SGCZ: variants seen among roughly 807,000 people sequenced by gnomAD.
SGCZ encodes the protein zeta-sarcoglycan.
Under a neutral mutation model 41.3 loss-of-function variants are expected in SGCZ, and 40 were observed. The ratio of observed to expected loss-of-function variants is 0.97; its 90% CI spans 0.75 to 1.26. The LOEUF (loss-of-function observed/expected upper bound fraction) is 1.26. SGCZ is among the 50% of genes most tolerant of loss of function. The pLI, the probability that SGCZ is intolerant of heterozygous loss-of-function variation, is 0.00. For synonymous variants in SGCZ, 206 were observed against 137.5 expected, an observed-to-expected ratio of 1.50 and a Z score of -3.49; for missense variants, 552 against 369.8, an observed-to-expected ratio of 1.49 and a Z score of -4.04.
At chr8:14,685,633 T>A (rs1365114715) in intron 1 of SGCZ, among the ~76,000 whole-genome samples, 1 of 152,124 alleles carries the variant, frequency 6.6e-6, no homozygotes, top group Non-Finnish European at 1.5e-5. Flanking sequence ...AATCACTACA[T>A]ATGAGTTATT....
chr8:14,137,437 T>C (rs541371207), intron 5 of SGCZ, among the ~76,000 whole-genome samples: 1 of 152,128 alleles, frequency 6.6e-6, no homozygotes, highest in South Asian at 2.1e-4. Context: ...CTTGAAAAAA[T>C]GTTAGATGAA....
At chr8:14,768,950 T>C (rs1800135630) in intron 1 of SGCZ, among the ~76,000 whole-genome samples, 1 of 152,050 alleles carries the variant, frequency 6.6e-6, no homozygotes, top group Admixed American at 6.6e-5. Context: ...AGATCTTAAA[T>C]CCTGATCATT....
intron 5 of SGCZ, among the ~76,000 whole-genome samples, chr8:14,115,084 C>T (rs1255020688): frequency 1.3e-5 from 2 of 151,938 alleles, no homozygotes; most frequent in African/African-American, 4.8e-5. Context: ...GCAGAGCTTT[C>T]TTCGTTACTC....
intron 1 of SGCZ, among the ~76,000 whole-genome samples, chr8:14,640,372 T>C (rs1806981885): frequency 1.3e-5 from 2 of 151,700 alleles, no homozygotes; most frequent in Non-Finnish European, 3.0e-5. Flanking sequence ...TCCTGTCTTC[T>C]AGTTCCCATT....
At chr8:14,743,916 A>AT (rs1398957734) in intron 1 of SGCZ, among the ~76,000 whole-genome samples, 41 of 152,214 alleles carry the variant, frequency 2.7e-4, no homozygotes, top group African/African-American at 7.2e-4. Flanking sequence ...CATGTATTTT[A>AT]TTCTGGGGAT....
chr8:15,078,575 G>T (rs1052901735), intron 1 of SGCZ, among the ~76,000 whole-genome samples: 1 of 151,928 alleles, frequency 6.6e-6, no homozygotes, highest in Non-Finnish European at 1.5e-5. Flanking sequence ...GAGTCCATTG[G>T]TGAGTGCTTT....
intron 1 of SGCZ, among the ~76,000 whole-genome samples, chr8:14,656,825 C>A (rs181927534): frequency 9.2e-5 from 14 of 151,758 alleles, no homozygotes; most frequent in African/African-American, 2.9e-4. Context: ...TAAATGGTAC[C>A]AAAATCAGCA....
intron 1 of SGCZ, among the ~76,000 whole-genome samples, chr8:14,912,930 A>G (rs903398149): frequency 6.6e-6 from 1 of 152,120 alleles, no homozygotes; most frequent in African/African-American, 2.4e-5. Flanking sequence ...CAGTGAGAGA[A>G]TAAATTGAGT....
chr8:15,051,790 G>C (rs73522821), intron 1 of SGCZ, among the ~76,000 whole-genome samples: 7,082 of 152,200 alleles, frequency 0.047, 174 homozygotes, highest in Non-Finnish European at 0.057. Context: ...TACTATGCAT[G>C]TGGGTTTGAA....
At chr8:14,796,465 CTTAT>C (rs1317700852) in intron 1 of SGCZ, among the ~76,000 whole-genome samples, 3 of 151,600 alleles carry the variant, frequency 2.0e-5, no homozygotes, top group Non-Finnish European at 2.9e-5. Context: ...CACAAGGTCA[CTTAT>C]TTGAGTATTT....
At chr8:14,488,862 G>A (rs1801759001) in intron 2 of SGCZ, among the ~76,000 whole-genome samples, 1 of 151,994 alleles carries the variant, frequency 6.6e-6, no homozygotes, top group Admixed American at 6.6e-5. Context: ...ACCATCTCTT[G>A]CAATTTTTCT....
intron 1 of SGCZ, among the ~76,000 whole-genome samples, chr8:14,704,169 T>G (rs1809255810): frequency 6.6e-6 from 1 of 151,994 alleles, no homozygotes; most frequent in East Asian, 1.9e-4. Context: ...TAGTTCATGG[T>G]CGTACAGCTA....
chr8:14,468,048 A>G (rs983970951), intron 2 of SGCZ, among the ~76,000 whole-genome samples: 1 of 152,120 alleles, frequency 6.6e-6, no homozygotes, highest in Non-Finnish European at 1.5e-5. Context: ...TGGCAAAGAC[A>G]TGCTAAACAT....
intron 1 of SGCZ, among the ~76,000 whole-genome samples, chr8:15,150,321 A>C (rs1435352567): frequency 6.6e-6 from 1 of 152,358 alleles, no homozygotes; most frequent in South Asian, 2.1e-4. Flanking sequence ...ATATAAAATA[A>C]AAAGTTTCAG....
At chr8:15,131,071 T>A (rs989650851) in intron 1 of SGCZ, among the ~76,000 whole-genome samples, 1 of 152,126 alleles carries the variant, frequency 6.6e-6, no homozygotes, top group African/African-American at 2.4e-5. Flanking sequence ...AAGATTTACT[T>A]CCAAATATTT....
At chr8:14,826,566 C>A (rs897748702) in intron 1 of SGCZ, among the ~76,000 whole-genome samples, 7 of 152,086 alleles carry the variant, frequency 4.6e-5, no homozygotes, top group African/African-American at 1.4e-4. Flanking sequence ...TAGAAGTGTT[C>A]CTATTTCTCC....
At chr8:15,146,582 T>C (rs193260872) in intron 1 of SGCZ, among the ~76,000 whole-genome samples, 430 of 152,334 alleles carry the variant, frequency 2.8e-3, no homozygotes, top group Non-Finnish European at 4.4e-3. Context: ...TTCAGTAGTG[T>C]ATTCTGTTTG....
intron 4 of SGCZ, among the ~76,000 whole-genome samples, chr8:14,228,915 G>C (rs765499482): frequency 6.6e-6 from 1 of 152,146 alleles, no homozygotes; most frequent in African/African-American, 2.4e-5. Flanking sequence ...CCTTGGTCTT[G>C]AGAAGTAGAG....
chr8:14,934,051 T>G (rs188955163), intron 1 of SGCZ, among the ~76,000 whole-genome samples: 3 of 151,966 alleles, frequency 2.0e-5, no homozygotes, highest in African/African-American at 7.3e-5. Flanking sequence ...AAATAGCCAA[T>G]AATTAATAAG....
Sources: allele counts gnomAD v4.1 joint callset (sites outside exome capture counted in the v4.1 genomes callset), GRCh38; gene constraint gnomAD v4.1.1; transcripts MANE v1.5; gene names NCBI Gene and HGNC (gene_info 2026-07-23, HGNC 2026-07-21).